TBC1D5: variants seen among roughly 807,000 people sequenced by gnomAD.
TBC1D5 encodes TBC1 domain family, member 5.
TBC1D5 carries 75 observed loss-of-function variants against 100.3 expected under a neutral mutation model. The ratio of observed to expected loss-of-function variants is 0.75; its 90% CI spans 0.62 to 0.91. The LOEUF (loss-of-function observed/expected upper bound fraction) is 0.91, where lower values mean the gene tolerates loss of function less well. TBC1D5 is among the 40% of genes least tolerant of loss of function. The pLI is 0.00. For missense variants in TBC1D5, 910 were observed against 942.4 expected (o/e 0.97, Z 0.45); for synonymous variants, 323 against 325.6 (o/e 0.99, Z 0.09).
intron 5 of TBC1D5, among the ~76,000 whole-genome samples, chr3:17,406,132 G>A (rs888333748): frequency 3.9e-5 from 6 of 152,092 alleles, no homozygotes; most frequent in African/African-American, 1.4e-4. Context: ...ATTTCTGCAA[G>A]AGCCTCTGGG....
intron 2 of TBC1D5, among the ~76,000 whole-genome samples, chr3:17,565,767 C>A (rs1042859459): frequency 6.6e-6 from 1 of 151,938 alleles, no homozygotes; most frequent in African/African-American, 2.4e-5. Flanking sequence ...GTGCATGTTA[C>A]ATTTGAAAAA....
At chr3:17,208,456 T>C (rs1337060193) in intron 18 of TBC1D5, among the ~76,000 whole-genome samples, 1 of 152,258 alleles carries the variant, frequency 6.6e-6, no homozygotes, top group Non-Finnish European at 1.5e-5. Flanking sequence ...CGCAATCCGA[T>C]TAAGTGCCCA....
intron 13 of TBC1D5, among the ~76,000 whole-genome samples, chr3:17,330,499 C>T (rs2086732595): frequency 6.6e-6 from 1 of 152,074 alleles, no homozygotes; most frequent in South Asian, 2.1e-4. Flanking sequence ...CCTCAAACCT[C>T]CCAACCTGCC....
chr3:17,681,227 T>A (rs925123295), intron 1 of TBC1D5, among the ~76,000 whole-genome samples: 16 of 151,666 alleles, frequency 1.1e-4, no homozygotes, highest in African/African-American at 3.7e-4. Context: ...TTAGGTATAA[T>A]AGGCATTTCT....
At chr3:17,560,952 T>C (rs2096554914) in intron 2 of TBC1D5, among the ~76,000 whole-genome samples, 1 of 151,476 alleles carries the variant, frequency 6.6e-6, no homozygotes, top group Non-Finnish European at 1.5e-5. Context: ...TTTTTTTAAA[T>C]GAACATGAAC....
At chr3:17,503,647 CGTTA>C (rs1362865951) in intron 3 of TBC1D5, among the ~76,000 whole-genome samples, 1 of 149,554 alleles carries the variant, frequency 6.7e-6, no homozygotes, top group Non-Finnish European at 1.5e-5. Context: ...CTATATACCA[CGTTA>C]GTAAGTTTAA....
At chr3:17,697,338 T>C (rs538447882) in intron 1 of TBC1D5, among the ~76,000 whole-genome samples, 2 of 152,206 alleles carry the variant, frequency 1.3e-5, no homozygotes, top group African/African-American at 2.4e-5. Context: ...GATGACATGA[T>C]TGTATATTTA....
At chr3:17,496,960 C>G (rs1172563851) in intron 3 of TBC1D5, among the ~76,000 whole-genome samples, 1 of 152,062 alleles carries the variant, frequency 6.6e-6, no homozygotes, top group Non-Finnish European at 1.5e-5. Flanking sequence ...CCCCTGTCAC[C>G]CATGGTAGCC....
chr3:17,542,439 A>G (rs2096368233), intron 2 of TBC1D5, among the ~76,000 whole-genome samples: 1 of 152,184 alleles, frequency 6.6e-6, no homozygotes, highest in Non-Finnish European at 1.5e-5. Flanking sequence ...GCTGGTCTCA[A>G]ACTTGTAGCC....
At chr3:17,580,084 T>C (rs2096684010) in intron 2 of TBC1D5, among the ~76,000 whole-genome samples, 1 of 152,150 alleles carries the variant, frequency 6.6e-6, no homozygotes, top group South Asian at 2.1e-4. Context: ...AAGTACTTTA[T>C]CATTTTCTGT....
chr3:17,425,799 T>C (rs964545642), intron 4 of TBC1D5, among the ~76,000 whole-genome samples: 3 of 151,754 alleles, frequency 2.0e-5, no homozygotes, highest in African/African-American at 4.9e-5. Context: ...ATGTGTCTGA[T>C]GGTGAATACA....
intron 2 of TBC1D5, among the ~76,000 whole-genome samples, chr3:17,570,129 A>T (rs1312727959): frequency 6.6e-6 from 1 of 151,972 alleles, no homozygotes; most frequent in Non-Finnish European, 1.5e-5. Flanking sequence ...CAGACTCTGT[A>T]AGTGGAGGCC....
At chr3:17,515,220 G>C (rs2095968743) in intron 2 of TBC1D5, among the ~76,000 whole-genome samples, 1 of 152,006 alleles carries the variant, frequency 6.6e-6, no homozygotes, top group Non-Finnish European at 1.5e-5. Context: ...TCTCTCCTTG[G>C]TGCAAACATG....
rs115946366 is a variant in TBC1D5, at chr3:17,215,315, G to T, written c.1589-945C>A. ...TGATCATGACTTGGTGGTGAGAGGT[G>T]GTCACATTTTGGACAAAACTGACTG... On this transcript the variant is annotated intron_variant, in intron 17 of 21. Transcript: ENST00000253692. Among the ~76,000 whole-genome samples the T allele has an allele frequency of 9.1e-3, 1,387 of 152,184 alleles. 23 individuals carry two copies. Among genetic ancestry groups the T allele is most frequent in the African/African-American group, 0.031 (1,294 of 41,512 alleles).
At chr3:17,268,078 T>C (rs894450364) in intron 15 of TBC1D5, among the ~76,000 whole-genome samples, 1 of 152,048 alleles carries the variant, frequency 6.6e-6, no homozygotes, top group Non-Finnish European at 1.5e-5. Context: ...GGGGAAAGTA[T>C]GTCAAGTTAG....
At chr3:17,673,472 A>T (rs1316705823) in intron 1 of TBC1D5, among the ~76,000 whole-genome samples, 2 of 141,078 alleles carry the variant, frequency 1.4e-5, no homozygotes, top group Non-Finnish European at 3.1e-5. Flanking sequence ...CACCATGCCC[A>T]GATAATGTTT....
chr3:17,559,001 T>C (rs1486070801), intron 2 of TBC1D5, among the ~76,000 whole-genome samples: 2 of 152,136 alleles, frequency 1.3e-5, no homozygotes, highest in African/African-American at 2.4e-5. Flanking sequence ...AATCACAAAA[T>C]AGAAACTAGA....
intron 3 of TBC1D5, among the ~76,000 whole-genome samples, chr3:17,469,293 A>G (rs895529828): frequency 1.3e-5 from 2 of 152,336 alleles, no homozygotes; most frequent in African/African-American, 4.8e-5. Context: ...TTACTGAGGG[A>G]GCCAGAATAA....
At chr3:17,623,612 C>T (rs2062847186) in intron 2 of TBC1D5, 1 of 152,360 alleles carries the variant, frequency 6.6e-6, no homozygotes, top group Admixed American at 6.5e-5. Context: ...CAGAAGCACA[C>T]TGACTTTCAC....
Sources: gnomAD v4.1 joint callset for allele counts (sites outside exome capture counted in the v4.1 genomes callset) on GRCh38, gnomAD v4.1.1 for gene constraint, MANE v1.5 for transcripts, NCBI Gene and HGNC (gene_info 2026-07-23, HGNC 2026-07-21) for gene names.